The following SKAP2 variants were observed in gnomAD, a reference collection of about 807,000 sequenced individuals.
The protein encoded by SKAP2 is src kinase-associated phosphoprotein 2.
In SKAP2, 28 loss-of-function variants were observed where a neutral mutation model predicts 54.9. The ratio of observed to expected loss-of-function variants is 0.51; its 90% CI spans 0.38 to 0.70. The LOEUF (loss-of-function observed/expected upper bound fraction) is 0.70, where lower values mean the gene tolerates loss of function less well. SKAP2 is among the 30% of genes least tolerant of loss of function. The pLI is 0.00. For missense variants in SKAP2, 356 were observed against 424.1 expected (o/e 0.84, Z 1.41); for synonymous variants, 137 against 134.3 (o/e 1.02, Z -0.14).
intron 4 of SKAP2, among the ~76,000 whole-genome samples, chr7:26,744,079 T>C (rs190993429): frequency 5.0e-4 from 76 of 152,208 alleles, no homozygotes; most frequent in Non-Finnish European, 7.1e-4. Flanking sequence ...AGTATACAAA[T>C]TGATAACAAA....
chr7:26,739,731 A>G (rs1218117619), intron 5 of SKAP2, among the ~76,000 whole-genome samples, 156 bp downstream of exon 5: 1 of 152,222 alleles, frequency 6.6e-6, no homozygotes, highest in African/African-American at 2.4e-5. Context: ...GCTAAGAGCT[A>G]TATTTTGTGG....
rs550160700 is a variant in SKAP2, at chr7:26,850,205, C to T, written c.199+3932G>A. Among the ~76,000 whole-genome samples the T allele has an allele frequency of 2.0e-5, 3 of 152,200 alleles. No homozygotes were observed. The East Asian group carries it at 5.8e-4, about 29-fold the overall frequency. ...GCTGAAATAATCACATAGCATAATT[C>T]CAGTGCATGAAGCCTAAATTCGGGA... On this transcript the variant is annotated intron_variant, in intron 3 of 12. Transcript: ENST00000345317.
At chr7:26,810,178 T>TA (rs537818434) in intron 4 of SKAP2, among the ~76,000 whole-genome samples, 98 of 151,786 alleles carry the variant, frequency 6.5e-4, no homozygotes, top group African/African-American at 2.2e-3. Context: ...TCCACAAAAA[T>TA]AAAAAAATTA....
At chr7:26,771,062 T>C (rs1241206907) in intron 4 of SKAP2, among the ~76,000 whole-genome samples, 1 of 152,342 alleles carries the variant, frequency 6.6e-6, no homozygotes, top group African/African-American at 2.4e-5. Flanking sequence ...CTAGTTATGA[T>C]CTATAACACA....
At chr7:26,740,857 C>T (rs1360369646) in intron 4 of SKAP2, among the ~76,000 whole-genome samples, 2 of 151,848 alleles carry the variant, frequency 1.3e-5, no homozygotes, top group Admixed American at 6.6e-5. Context: ...GGCATGGTGG[C>T]GGGTGCCTGT....
At chr7:26,692,975 C>A (rs1786816571) in intron 9 of SKAP2, among the ~76,000 whole-genome samples, 2 of 152,154 alleles carry the variant, frequency 1.3e-5, no homozygotes, top group South Asian at 4.1e-4. Context: ...GATAAAGGCA[C>A]TCGTCCTCAG....
chr7:26,841,241 A>G (rs1784811112), intron 4 of SKAP2, among the ~76,000 whole-genome samples: 1 of 152,036 alleles, frequency 6.6e-6, no homozygotes, highest in Non-Finnish European at 1.5e-5. Context: ...TGCGAAAATC[A>G]AAACTGCATC....
chr7:26,730,559 T>C (rs1562590236), intron 6 of SKAP2, among the ~76,000 whole-genome samples: 1 of 152,198 alleles, frequency 6.6e-6, no homozygotes, highest in Non-Finnish European at 1.5e-5. Context: ...TTATAACACA[T>C]TGATGCCTTC....
intron 4 of SKAP2, among the ~76,000 whole-genome samples, chr7:26,761,228 G>A (rs1367344984): frequency 6.6e-6 from 1 of 152,082 alleles, no homozygotes; most frequent in Non-Finnish European, 1.5e-5. Context: ...ACACTTTAAT[G>A]CAACACAGTC....
At chr7:26,762,081 T>G (rs1782944586) in intron 4 of SKAP2, among the ~76,000 whole-genome samples, 2 of 152,156 alleles carry the variant, frequency 1.3e-5, no homozygotes, top group African/African-American at 4.8e-5. Context: ...ACAGTGACAT[T>G]TCCCTGGTAC....
At chr7:26,839,961 T>C (rs576852234) in intron 4 of SKAP2, among the ~76,000 whole-genome samples, 35 of 152,140 alleles carry the variant, frequency 2.3e-4, no homozygotes, top group East Asian at 3.9e-4. Flanking sequence ...TTTTTGTACA[T>C]TGGATTTTTG....
intron 4 of SKAP2, among the ~76,000 whole-genome samples, chr7:26,784,021 T>A (rs1030358806): frequency 2.0e-5 from 3 of 150,422 alleles, no homozygotes; most frequent in Non-Finnish European, 3.0e-5. Flanking sequence ...CTGACTAAAG[T>A]AGAGCATTAA....
At chr7:26,767,391 T>C (rs1267836460) in intron 4 of SKAP2, among the ~76,000 whole-genome samples, 2 of 151,912 alleles carry the variant, frequency 1.3e-5, no homozygotes, top group African/African-American at 4.8e-5. Context: ...AGTGGTCTGT[T>C]TTGTTAATCT....
chr7:26,691,439 C>T (rs7782851), intron 9 of SKAP2, among the ~76,000 whole-genome samples: 12,666 of 152,148 alleles, frequency 0.083, 600 homozygotes, highest in Middle Eastern at 0.17. Context: ...CAAGAAAACT[C>T]CTAAAACTTT....
intron 6 of SKAP2, among the ~76,000 whole-genome samples, chr7:26,735,198 T>G (rs1584358726): frequency 6.6e-6 from 1 of 151,944 alleles, no homozygotes; most frequent in South Asian, 2.1e-4. Flanking sequence ...AGCTAACAAG[T>G]GCCTGAAAAA....
At chr7:26,770,223 T>C (rs1783157078) in intron 4 of SKAP2, among the ~76,000 whole-genome samples, 1 of 151,978 alleles carries the variant, frequency 6.6e-6, no homozygotes, top group South Asian at 2.1e-4. Flanking sequence ...CTCCACCCAG[T>C]TTGAACTTCT....
At chr7:26,762,653 T>G (rs1313528886) in intron 4 of SKAP2, among the ~76,000 whole-genome samples, 1 of 151,756 alleles carries the variant, frequency 6.6e-6, no homozygotes, top group South Asian at 2.1e-4. Context: ...CTGGCTAAGA[T>G]GATGAAACCC....
At chr7:26,656,722 T>C in the SKAP2 span, among the ~76,000 whole-genome samples, 1 of 152,210 alleles carries the variant, frequency 6.6e-6, no homozygotes, top group Non-Finnish European at 1.5e-5. Context: ...GGTTTGAGAA[T>C]GAGCACTGCT....
intron 7 of SKAP2, 147 bp downstream of exon 7, chr7:26,726,735 G>C: frequency 1.7e-6 from 1 of 599,894 alleles, no homozygotes; most frequent in Non-Finnish European, 2.6e-6. Context: ...CCTCTTATAT[G>C]AATGTTCAAT....
Sources: gnomAD v4.1 joint callset for allele counts (sites outside exome capture counted in the v4.1 genomes callset) on GRCh38, gnomAD v4.1.1 for gene constraint, MANE v1.5 for transcripts, NCBI Gene and HGNC (gene_info 2026-07-23, HGNC 2026-07-21) for gene names.